MICU1: variants seen among roughly 807,000 people sequenced by gnomAD.
MICU1 encodes calcium uptake protein 1, mitochondrial.
A neutral mutation model predicts 56.8 loss-of-function variants in MICU1; 45 were observed. The observed-to-expected ratio is 0.79, with a 90% CI of 0.62 to 1.02. MICU1 has a LOEUF of 1.02. MICU1 is among the 50% of genes least tolerant of loss of function. The probability of loss-of-function intolerance (pLI) is 0.00; values close to 1 mark genes in which losing one functional copy is unlikely to be tolerated. For synonymous variants in MICU1, 186 were observed against 195.1 expected (o/e 0.95, Z 0.39); for missense variants, 504 against 587.1 (o/e 0.86, Z 1.46).
At chr10:72,572,095 A>C (rs1840626172) in intron 1 of MICU1, among the ~76,000 whole-genome samples, 2 of 151,960 alleles carry the variant, frequency 1.3e-5, no homozygotes, top group Non-Finnish European at 2.9e-5. Flanking sequence ...CTCAACAGCT[A>C]GCTGTATATA....
intron 5 of MICU1, among the ~76,000 whole-genome samples, chr10:72,530,120 G>C (rs916964819): frequency 1.3e-5 from 2 of 151,058 alleles, no homozygotes; most frequent in African/African-American, 4.8e-5. Context: ...CTGAGGTCAG[G>C]AGTTCAAGAC....
chr10:72,407,024 G>A (rs184533766), intron 10 of MICU1, among the ~76,000 whole-genome samples: 14 of 152,294 alleles, frequency 9.2e-5, no homozygotes, highest in African/African-American at 2.6e-4. Context: ...AACCTTAGAC[G>A]AGTGTACATT....
At chr10:72,482,310 G>C (rs905853913) in intron 6 of MICU1, among the ~76,000 whole-genome samples, 1 of 152,166 alleles carries the variant, frequency 6.6e-6, no homozygotes, top group Non-Finnish European at 1.5e-5. Flanking sequence ...GAATAGGTTA[G>C]ATTCTAAACA....
Position 72,425,724 on chromosome 10 carries a change from T to C in MICU1, c.934-2353A>G, listed in dbSNP as rs534942769. ...GGCTTTTCTGAGGCAGGAACCCCCTTATTTCTGAGGTCTTAAACATGGCTG... is the reference window on the plus strand; with the variant it reads ...GGCTTTTCTGAGGCAGGAACCCCCTCATTTCTGAGGTCTTAAACATGGCTG... On this transcript the variant is annotated intron_variant, in intron 8 of 11. Coordinates refer to ENST00000361114, the MANE Select transcript of MICU1 (RefSeq NM_001195518.2). Among the ~76,000 whole-genome samples the C allele has an allele frequency of 2.0e-5, 3 of 152,262 alleles. No individual in the cohort carries two copies. In the South Asian group the frequency reaches 6.2e-4, roughly 32 times the overall value.
intron 4 of MICU1, among the ~76,000 whole-genome samples, chr10:72,544,114 CCTGTTCTGTT>C (rs71021505): frequency 6.6e-6 from 1 of 150,686 alleles, no homozygotes; most frequent in African/African-American, 2.4e-5. Flanking sequence ...AAATCCCTGT[CCTGTTCTGTT>C]CTGTTCTGTT....
chr10:72,455,285 G>A (rs1321766666), intron 8 of MICU1, among the ~76,000 whole-genome samples: 2 of 148,190 alleles, frequency 1.3e-5, no homozygotes, highest in Non-Finnish European at 3.0e-5. Context: ...GGGAGGTGGA[G>A]GTTGCAGTGA....
At chr10:72,526,932 C>CAAAAAAAA (rs57033966) in intron 5 of MICU1, among the ~76,000 whole-genome samples, 1 of 127,638 alleles carries the variant, frequency 7.8e-6, no homozygotes, top group African/African-American at 3.3e-5. Flanking sequence ...GTAATGGCTT[C>CAAAAAAAA]AAAAAAAAAA....
At chr10:72,439,438 A>G (rs1258166256) in intron 8 of MICU1, among the ~76,000 whole-genome samples, 4 of 152,236 alleles carry the variant, frequency 2.6e-5, no homozygotes, top group Non-Finnish European at 5.9e-5. Flanking sequence ...ACCCATAGCC[A>G]ATATCATATT....
intron 8 of MICU1, among the ~76,000 whole-genome samples, chr10:72,456,326 T>C (rs931450816): frequency 5.3e-5 from 8 of 152,186 alleles, no homozygotes; most frequent in African/African-American, 1.7e-4. Flanking sequence ...TTCACTCTTG[T>C]GTAATCCCCT....
At chr10:72,525,656 T>C (rs1867941029) in intron 5 of MICU1, among the ~76,000 whole-genome samples, 1 of 152,198 alleles carries the variant, frequency 6.6e-6, no homozygotes, top group African/African-American at 2.4e-5. Context: ...CTGCAGCTTT[T>C]CAAGTAAACG....
chr10:72,418,967 G>A (rs778101196), intron 9 of MICU1, among the ~76,000 whole-genome samples: 9 of 152,256 alleles, frequency 5.9e-5, no homozygotes, highest in South Asian at 2.1e-4. Flanking sequence ...ATTTAACACC[G>A]CAGATTTTCA....
intron 8 of MICU1, among the ~76,000 whole-genome samples, chr10:72,445,595 C>T (rs1865080488): frequency 6.6e-6 from 1 of 152,180 alleles, no homozygotes; most frequent in Non-Finnish European, 1.5e-5. Flanking sequence ...CCTGTTTTGG[C>T]TCTCTGGAAA....
intron 10 of MICU1, among the ~76,000 whole-genome samples, chr10:72,380,126 C>T (rs1469207736): frequency 1.3e-5 from 2 of 152,138 alleles, no homozygotes; most frequent in African/African-American, 4.8e-5. Context: ...CCTCCCAGAT[C>T]TCAACTTTTT....
chr10:72,543,728 G>A (rs539202316), intron 4 of MICU1, among the ~76,000 whole-genome samples: 19 of 151,942 alleles, frequency 1.3e-4, no homozygotes, highest in Non-Finnish European at 2.2e-4. Context: ...GGTGGCAGGC[G>A]CCTGTAGTCC....
At chr10:72,605,451 C>G (rs756951761) in intron 1 of MICU1, among the ~76,000 whole-genome samples, 4 of 152,168 alleles carry the variant, frequency 2.6e-5, no homozygotes, top group Non-Finnish European at 4.4e-5. Flanking sequence ...AAGTAGTCAC[C>G]CATTTATCCC....
intron 5 of MICU1, among the ~76,000 whole-genome samples, chr10:72,525,619 G>T (rs1480624969): frequency 1.3e-5 from 2 of 152,168 alleles, no homozygotes; most frequent in Non-Finnish European, 2.9e-5. Context: ...ACTGTGGAGA[G>T]AACAATTACG....
chr10:72,580,875 AC>A (rs1464389871), intron 1 of MICU1, among the ~76,000 whole-genome samples: 1 of 152,260 alleles, frequency 6.6e-6, no homozygotes, highest in Admixed American at 6.5e-5. Flanking sequence ...CTAAACAGCA[AC>A]AAGGTTCTCA....
At chr10:72,528,597 T>G (rs11000339) in intron 5 of MICU1, among the ~76,000 whole-genome samples, 42 of 152,290 alleles carry the variant, frequency 2.8e-4, no homozygotes, top group African/African-American at 9.9e-4. Flanking sequence ...GTAGTTCAAA[T>G]AAATGTGGAG....
intron 8 of MICU1, among the ~76,000 whole-genome samples, chr10:72,463,874 GTTAAGTGCCTT>G (rs1421335273): frequency 1.3e-5 from 2 of 152,152 alleles, no homozygotes; most frequent in African/African-American, 2.4e-5. Context: ...CCCATTCATG[GTTAAGTGCCTT>G]TACAGATGTA....
Sources: allele counts gnomAD v4.1 joint callset (sites outside exome capture counted in the v4.1 genomes callset), GRCh38; gene constraint gnomAD v4.1.1; transcripts MANE v1.5; gene names NCBI Gene and HGNC (gene_info 2026-07-23, HGNC 2026-07-21).